Variants in IRF3 observed in about 807,000 individuals in gnomAD.
IRF3 encodes the protein interferon regulatory factor 3.
Under a neutral mutation model 43.2 loss-of-function variants are expected in IRF3, and 29 were observed. The ratio of observed to expected loss-of-function variants is 0.67; its 90% CI spans 0.50 to 0.91. The LOEUF (loss-of-function observed/expected upper bound fraction) is 0.91, where lower values mean the gene tolerates loss of function less well. Among genes scored for constraint, IRF3 ranks in the 40% least tolerant of loss-of-function variants. IRF3 has a pLI of 0.00. For missense variants in IRF3, 505 were observed against 559.1 expected (o/e 0.90, Z 0.98); for synonymous variants, 228 against 233.9 (o/e 0.97, Z 0.23).
intron 3 of IRF3, 26 bp downstream of exon 3, chr19:49,663,317 C>T (rs1276244069): frequency 1.9e-6 from 3 of 1,614,128 alleles, no homozygotes; most frequent in Non-Finnish European, 2.5e-6. Flanking sequence ...GCCCCAGCCT[C>T]CCACACGAAC....
At chr19:49,661,191 A>T (rs538887138) in intron 6 of IRF3, among the ~76,000 whole-genome samples, 1 of 152,302 alleles carries the variant, frequency 6.6e-6, no homozygotes, top group South Asian at 2.1e-4. Context: ...TTTCAGTTTA[A>T]ATTGTAACCA....
At position 49,662,458 on chromosome 19, in the gene IRF3, T is replaced by C; in HGVS notation, c.568A>G (p.Asn190Asp). 1 of 1,595,868 alleles carries C rather than the reference T, an allele frequency of 6.3e-7. No individual in the cohort carries two copies. Among genetic ancestry groups the C allele is most frequent in the Non-Finnish European group, 8.5e-7 (1 of 1,172,008 alleles). Residue 190 changes from asparagine to aspartate, a missense_variant, in exon 5 of 8, where the codon AAC becomes GAC. By Grantham distance (23) the Asn-to-Asp change is conservative. Transcript: ENST00000377139. ...TPFPNLGPSE[N>D]PLKRLLVPGE... ...GGCACCAACAGCCGCTTCAGTGGGTTCTCAGAGGGCCCCAGGTTTGGGAAG... is the reference window on the plus strand; with the variant it reads ...GGCACCAACAGCCGCTTCAGTGGGTCCTCAGAGGGCCCCAGGTTTGGGAAG...
intron 6 of IRF3, chr19:49,661,484 A>G (rs894980230): frequency 6.4e-6 from 1 of 155,678 alleles, no homozygotes; most frequent in Admixed American, 6.4e-5. Flanking sequence ...AGAGGAGACC[A>G]TCCTTGGATT....
chr19:49,665,605 C>T, intron 1 of IRF3, 26 bp downstream of exon 1: 1 of 578,686 alleles, frequency 1.7e-6, no homozygotes, highest in Non-Finnish European at 3.0e-6. Context: ...ACGCCACCAA[C>T]GCTCTCCCGG....
intron 7 of IRF3, 47 bp downstream of exon 7, chr19:49,660,666 C>T (rs1280792077): frequency 5.3e-6 from 8 of 1,502,998 alleles, no homozygotes; most frequent in Non-Finnish European, 7.1e-6. Context: ...CCTCTTCCCT[C>T]TGTAAGGCCA....
chr19:49,664,398 T>C, intron 2 of IRF3: 3 of 1,377,198 alleles, frequency 2.2e-6, no homozygotes, highest in Non-Finnish European at 2.9e-6. Context: ...CCCCGGCCTC[T>C]AGAAAGCCCC....
chr19:49,662,323 C>A lies in IRF3; in HGVS notation c.607G>T (p.Glu203Ter), dbSNP rs767604581. The change falls in exon 6 of 8, where the codon GAG becomes TAG. Residue 203 changes from glutamate to a stop codon, truncating the protein, a stop_gained. Transcript: ENST00000377139. LOFTEE classifies it high-confidence loss of function. ...CGGTAGAAGGCTGTCACCTCGAACT[C>A]CCACTCTGAGCAGCGGCAGCAGCGG... ...KRLLVPGEEW[E>*]FEVTAFYRGR... The A allele has an allele frequency of 6.2e-7, 1 of 1,613,566 alleles. No homozygotes were observed. The highest frequency in any genetic ancestry group is 8.5e-7 in the Non-Finnish European group (1 of 1,179,844).
At chr19:49,661,464 G>A (rs1172091200) in intron 6 of IRF3, 1 of 155,592 alleles carries the variant, frequency 6.4e-6, no homozygotes, top group Non-Finnish European at 1.4e-5. Flanking sequence ...GCGCTGGCAG[G>A]CAGGTAGAGA....
chr19:49,660,633 G>C, intron 7 of IRF3, 80 bp downstream of exon 7: 1 of 1,387,200 alleles, frequency 7.2e-7, no homozygotes, highest in Non-Finnish European at 9.6e-7. Flanking sequence ...GGGCCCTCTG[G>C]GAGTTGGAGT....
chr19:49,663,535 G>A (rs1314058734), intron 2 of IRF3, 21 bp from the exon 3 acceptor site: 1 of 1,612,642 alleles, frequency 6.2e-7, no homozygotes, highest in African/African-American at 1.3e-5. Context: ...AGTGGTGTCA[G>A]GATGGTGGGG....
In IRF3 at chr19:49,662,177, G is replaced by T; in HGVS notation, c.753C>A (p.Ser251=). ...WPVTLPDPGM[S]LTDRGVMSYV... ...AGCTCATCACTCCCCTGTCTGTCAG[G>T]GACATGCCAGGGTCTGGCAGTGTGA... The change falls in exon 6 of 8, where the codon TCC becomes TCA. Residue 251 remains serine, a synonymous_variant. Transcript: ENST00000377139. The T allele has an allele frequency of 6.2e-7, 1 of 1,614,138 alleles. No individual in the cohort carries two copies. Among genetic ancestry groups the T allele is most frequent in the South Asian group, 1.1e-5 (1 of 91,092 alleles).
At chr19:49,661,781 A>AT (rs752676175) in intron 6 of IRF3, 167 bp downstream of exon 6, 8 of 767,684 alleles carry the variant, frequency 1.0e-5, no homozygotes, top group Non-Finnish European at 1.7e-5. Flanking sequence ...GGGTTTCACT[A>AT]TGTTGACCAG....
chr19:49,664,571 G>C (rs753456206), intron 2 of IRF3, 103 bp downstream of exon 2: 53 of 1,374,120 alleles, frequency 3.9e-5, no homozygotes, highest in Non-Finnish European at 4.9e-5. Context: ...GCACGAGCCC[G>C]CCCCTCGCGC....
Position 49,659,763 on chromosome 19 carries a change from G to GTAT in IRF3, c.1166_1168dup (p.Asn389dup). Reference sequence around the variant, plus strand: ...GCTGTTGGAAATGTGCAGGTCCACAGTATTCTCCAGGGAGGAGGCACCCCC... The same window carrying GTAT: ...GCTGTTGGAAATGTGCAGGTCCACAGTATTATTCTCCAGGGAGGAGGCACCCCC... On this transcript the variant is annotated inframe_insertion, in exon 8 of 8. Coordinates refer to ENST00000377139, the MANE Select transcript of IRF3 (RefSeq NM_001571.6). The GTAT allele has an allele frequency of 6.2e-7, 1 of 1,613,694 alleles. No homozygotes were observed. Among genetic ancestry groups the GTAT allele is most frequent in the Non-Finnish European group, 8.5e-7 (1 of 1,179,770 alleles).
intron 4 of IRF3, 78 bp downstream of exon 4, chr19:49,663,110 G>T (rs916876229): frequency 2.8e-5 from 36 of 1,265,640 alleles, no homozygotes; most frequent in Non-Finnish European, 4.0e-5. Context: ...GGAGTGGGGG[G>T]ATCGTCTAGA....
rs187335764 is a variant in IRF3 at position 49,659,797 on chromosome 19, C to T, written c.1135G>A (p.Ala379Thr). 46 of 1,607,050 alleles carry T rather than the reference C, an allele frequency of 2.9e-5. No homozygotes were observed. Among genetic ancestry groups the T allele is most frequent in the Non-Finnish European group, 3.7e-5 (44 of 1,175,686 alleles). Residue 379 changes from alanine to threonine, a missense_variant, in exon 8 of 8, where the codon GCC (alanine) becomes ACC (threonine). Ala to Thr is a moderately conservative substitution (Grantham distance 58). Coordinates refer to ENST00000377139, the MANE Select transcript of IRF3 (RefSeq NM_001571.6). ...AGGGAGGAGGCACCCCCTACCCGGG[C>T]CATTTCTACCAAGGCCCTGAGGCAC... The part of the protein sequence containing the change: ...PTCLRALVEM[A>T]RVGGASSLEN...
chr19:49,664,557 G>C, intron 2 of IRF3, 117 bp downstream of exon 2: 1 of 1,504,754 alleles, frequency 6.6e-7, no homozygotes. Context: ...ACCCACCAGC[G>C]TTGGCACGAG....
chr19:49,664,855 A>G lies in IRF3; in HGVS notation c.-8-9T>C. ...GGTTCCCATGGTCCGGCCTGCGCGT[A>G]TAGGGCATTTCCTGGGCGCGACCGG... On this transcript the variant is annotated splice_polypyrimidine_tract_variant and intron_variant, in intron 1 of 7. Coordinates refer to ENST00000377139, the MANE Select transcript of IRF3 (RefSeq NM_001571.6). The G allele has an allele frequency of 6.2e-7, 1 of 1,605,480 alleles. No individual in the cohort carries two copies. Among genetic ancestry groups the G allele is most frequent in the Non-Finnish European group, 8.5e-7 (1 of 1,175,226 alleles).
intron 2 of IRF3, among the ~76,000 whole-genome samples, chr19:49,664,259 C>T (rs929274235): frequency 5.3e-5 from 8 of 152,180 alleles, no homozygotes; most frequent in Admixed American, 5.2e-4. Context: ...GTGATAACCC[C>T]GCCCCTCACA....
Sources: allele counts gnomAD v4.1 joint callset (sites outside exome capture counted in the v4.1 genomes callset), GRCh38; gene constraint gnomAD v4.1.1; transcripts MANE v1.5; gene names NCBI Gene and HGNC (gene_info 2026-07-23, HGNC 2026-07-21).